Variants in CCDC148 observed in about 807,000 individuals in gnomAD.
CCDC148 encodes the protein coiled-coil domain containing 148.
CCDC148 carries 89 observed loss-of-function variants against 85.7 expected under a neutral mutation model. That is an observed-to-expected ratio of 1.04 (90% CI 0.87 to 1.24). The LOEUF is 1.24. Ranked by LOEUF, CCDC148 falls within the 50% of genes most tolerant of loss-of-function variation. The pLI, the probability that CCDC148 is intolerant of heterozygous loss-of-function variation, is 0.00. For synonymous variants in CCDC148, 230 were observed against 213.9 expected (o/e 1.08, Z -0.66); for missense variants, 692 against 671.7 (o/e 1.03, Z -0.33).
chr2:158,314,231 A>T (rs1393493236), intron 7 of CCDC148, among the ~76,000 whole-genome samples: 1 of 152,238 alleles, frequency 6.6e-6, no homozygotes, highest in Non-Finnish European at 1.5e-5. Context: ...AAATAATTAT[A>T]TATACAGATT....
At chr2:158,418,213 CT>C (rs1559131688) in intron 1 of CCDC148, among the ~76,000 whole-genome samples, 1 of 151,948 alleles carries the variant, frequency 6.6e-6, no homozygotes, top group African/African-American at 2.4e-5. Context: ...CTTAACTTTT[CT>C]GGGTTCAAAT....
rs545456743 is a variant in CCDC148, at chr2:158,255,711, T to C, written c.1111-4799A>G. On this transcript the variant is annotated intron_variant, in intron 9 of 13. Transcript: ENST00000283233. ...TATTTTAAAGGCTTTGCTAATTATA[T>C]AGCTTTAAAGAGAGTATGTGAACAT... Among the ~76,000 whole-genome samples, 8 of 151,864 alleles carry C rather than the reference T, an allele frequency of 5.3e-5. No homozygotes were observed. The East Asian group carries it at 9.7e-4, about 18-fold the overall frequency.
chr2:158,230,238 A>AAATG (rs1473708256), intron 10 of CCDC148, among the ~76,000 whole-genome samples: 1 of 152,234 alleles, frequency 6.6e-6, no homozygotes, highest in Admixed American at 6.5e-5. Flanking sequence ...GACAGATAGT[A>AAATG]AATGAATGAA....
intron 9 of CCDC148, 91 bp downstream of exon 9, chr2:158,309,342 G>T (rs949718097): frequency 1.3e-5 from 14 of 1,105,324 alleles, no homozygotes; most frequent in Admixed American, 2.6e-5. Flanking sequence ...TTTTTTAAGA[G>T]AAACTGAACT....
At chr2:158,416,142 C>A (rs1686489456) in intron 1 of CCDC148, among the ~76,000 whole-genome samples, 1 of 152,186 alleles carries the variant, frequency 6.6e-6, no homozygotes. Context: ...ACCCTTTTAG[C>A]CATGGCTGGA....
intron 1 of CCDC148, among the ~76,000 whole-genome samples, chr2:158,383,808 T>C (rs1171716785): frequency 3.3e-5 from 5 of 152,182 alleles, no homozygotes; most frequent in African/African-American, 4.8e-5. Context: ...TTACCATCGA[T>C]AACTTTACTG....
chr2:158,301,350 G>A (rs574585685), intron 9 of CCDC148, among the ~76,000 whole-genome samples: 2 of 152,308 alleles, frequency 1.3e-5, no homozygotes, highest in East Asian at 3.9e-4. Flanking sequence ...AGAGAAAAGA[G>A]GAAGCTAAGT....
chr2:158,333,637 T>C (rs1693266451), intron 7 of CCDC148, among the ~76,000 whole-genome samples: 1 of 152,162 alleles, frequency 6.6e-6, no homozygotes, highest in Non-Finnish European at 1.5e-5. Context: ...TCCACTATTA[T>C]TGTGTGGGAG....
intron 1 of CCDC148, among the ~76,000 whole-genome samples, chr2:158,414,866 G>A (rs1025893188): frequency 2.0e-5 from 3 of 152,158 alleles, no homozygotes; most frequent in African/African-American, 7.2e-5. Context: ...GGAAAAATAG[G>A]TACATCCAAA....
intron 9 of CCDC148, among the ~76,000 whole-genome samples, chr2:158,260,399 A>G (rs1378990072): frequency 6.6e-6 from 1 of 152,068 alleles, no homozygotes; most frequent in African/African-American, 2.4e-5. Context: ...ACCCACAGCA[A>G]CATCATATTG....
intron 9 of CCDC148, among the ~76,000 whole-genome samples, chr2:158,269,245 T>A (rs1689598062): frequency 6.6e-6 from 1 of 152,158 alleles, no homozygotes; most frequent in Non-Finnish European, 1.5e-5. Flanking sequence ...GTCTTTTTGG[T>A]CATGCCATCC....
intron 11 of CCDC148, among the ~76,000 whole-genome samples, chr2:158,180,629 A>G (rs1358381506): frequency 6.6e-6 from 1 of 152,064 alleles, no homozygotes; most frequent in Non-Finnish European, 1.5e-5. Flanking sequence ...CAGGGTGGCA[A>G]GAACAGAACA....
At chr2:158,421,436 A>C (rs7580785) in intron 1 of CCDC148, among the ~76,000 whole-genome samples, 1 of 152,006 alleles carries the variant, frequency 6.6e-6, no homozygotes, top group South Asian at 2.1e-4. Flanking sequence ...TCAGAAACTC[A>C]CTCAAAACTG....
Position 158,285,676 on chromosome 2 carries a change from G to A in CCDC148, c.1110+23757C>T, listed in dbSNP as rs528812211. On this transcript the variant is annotated intron_variant, in intron 9 of 13. Transcript: ENST00000283233. ...CTCCCCAGTAGCTGGGACTACAGGC[G>A]CCCACCACCACGCCCGGCTAATTTT... Among the ~76,000 whole-genome samples the A allele has an allele frequency of 2.6e-3, 397 of 151,058 alleles. 1 individual carries two copies. Among genetic ancestry groups the A allele is most frequent in the Admixed American group, 5.0e-3 (76 of 15,136 alleles).
rs904906569 is a variant in CCDC148, at chr2:158,341,765, GTATAA to G, written c.252-1090_252-1086del. On this transcript the variant is annotated intron_variant, in intron 3 of 13. Coordinates refer to ENST00000283233, the MANE Select transcript of CCDC148 (RefSeq NM_138803.4). ...TTATGATTATTACAGTATTAAAATGGTATAATATAAAAAAGCAGCAATTATAATCC... is the reference window on the plus strand; with the variant it reads ...TTATGATTATTACAGTATTAAAATGGTATAAAAAAGCAGCAATTATAATCC... Among the ~76,000 whole-genome samples the G allele has an allele frequency of 4.0e-5, 6 of 151,758 alleles. No individual in the cohort carries two copies. In the South Asian group the frequency reaches 1.2e-3, roughly 32 times the overall value.
intron 9 of CCDC148, among the ~76,000 whole-genome samples, chr2:158,288,246 C>T (rs1257464471): frequency 6.6e-6 from 1 of 152,158 alleles, no homozygotes; most frequent in African/African-American, 2.4e-5. Flanking sequence ...GACATTCTCC[C>T]CATTGTCTTG....
chr2:158,251,988 G>T (rs549831315), intron 9 of CCDC148, among the ~76,000 whole-genome samples: 7 of 151,664 alleles, frequency 4.6e-5, no homozygotes, highest in Non-Finnish European at 1.0e-4. Context: ...GGAAACCAAT[G>T]AAACTAATAA....
At chr2:158,438,125 G>A (rs10198837) in intron 1 of CCDC148, among the ~76,000 whole-genome samples, 1 of 151,864 alleles carries the variant, frequency 6.6e-6, no homozygotes. Flanking sequence ...AAAAAACTAC[G>A]TTAAAGTTCA....
At position 158,292,574 on chromosome 2, in the gene CCDC148, C is replaced by T. The variant is rs571381875; in HGVS notation, c.1110+16859G>A. On this transcript the variant is annotated intron_variant, in intron 9 of 13. Coordinates refer to ENST00000283233, the MANE Select transcript of CCDC148 (RefSeq NM_138803.4). ...GAGCTAAGAGCAAGAAATCAAGACT[C>T]GAGTCTTTCTAACCAATTATTCCTT... Among the ~76,000 whole-genome samples, 12 of 152,258 alleles carry T rather than the reference C, an allele frequency of 7.9e-5. No individual in the cohort carries two copies. In the South Asian group the frequency reaches 2.1e-3, roughly 26 times the overall value.
Sources: allele counts gnomAD v4.1 joint callset (sites outside exome capture counted in the v4.1 genomes callset), GRCh38; gene constraint gnomAD v4.1.1; transcripts MANE v1.5; gene names NCBI Gene and HGNC (gene_info 2026-07-23, HGNC 2026-07-21).